USP31: variants seen among roughly 807,000 people sequenced by gnomAD.
USP31 encodes ubiquitin carboxyl-terminal hydrolase 31.
USP31 carries 44 observed loss-of-function variants against 119.4 expected under a neutral mutation model. The observed-to-expected ratio is 0.37, with a 90% CI of 0.29 to 0.47. USP31 has a LOEUF of 0.47. Among genes scored for constraint, USP31 ranks in the 20% least tolerant of loss-of-function variants. The pLI is 0.99. For synonymous variants in USP31, 749 were observed against 705.6 expected, an observed-to-expected ratio of 1.06 and a Z score of -0.97; for missense variants, 1,643 against 1,730.2, an observed-to-expected ratio of 0.95 and a Z score of 0.89.
intron 1 of USP31, among the ~76,000 whole-genome samples, chr16:23,128,171 T>C (rs535450762): frequency 2.0e-5 from 3 of 152,312 alleles, no homozygotes; most frequent in Middle Eastern, 3.4e-3. Context: ...TTAGAAACCA[T>C]GTGCATCCCT....
At chr16:23,101,004 T>C (rs1567235705) in intron 6 of USP31, among the ~76,000 whole-genome samples, 1 of 152,104 alleles carries the variant, frequency 6.6e-6, no homozygotes, top group South Asian at 2.1e-4. Context: ...GACCAAATCA[T>C]GGCAGGGGAG....
At position 23,063,738 on chromosome 16, in the gene USP31, T is replaced by TC. The variant is rs1431700459; in HGVS notation, c.*4307_*4308insG. On this transcript the variant is annotated 3_prime_UTR_variant, in exon 16 of 16. Coordinates refer to ENST00000219689, the MANE Select transcript of USP31 (RefSeq NM_020718.4). ...ATAGAGCTCCATAATTGTTGCCTTTTTTTTTTAAGACTTAACATTTCATGT... is the reference window on the plus strand; with the variant it reads ...ATAGAGCTCCATAATTGTTGCCTTTTCTTTTTTAAGACTTAACATTTCATGT... 4 of 152,020 alleles carry TC rather than the reference T, an allele frequency of 2.6e-5. No individual in the cohort carries two copies. The highest frequency in any genetic ancestry group is 4.4e-5 in the Non-Finnish European group (3 of 67,954). 9.4% of individuals were successfully genotyped at this position (152,020 alleles called of 1,614,324 possible).
intron 13 of USP31, among the ~76,000 whole-genome samples, chr16:23,074,255 C>T (rs1900469681): frequency 6.6e-6 from 1 of 152,002 alleles, no homozygotes; most frequent in South Asian, 2.1e-4. Flanking sequence ...TGGGTAGAGG[C>T]CACGGATGCT....
intron 1 of USP31, among the ~76,000 whole-genome samples, chr16:23,126,625 T>TC (rs1345375226): frequency 7.3e-6 from 1 of 137,226 alleles, no homozygotes; most frequent in Non-Finnish European, 1.6e-5. Flanking sequence ...AGACTCTGTC[T>TC]CAAAAAAAAA....
chr16:23,075,876 T>A (rs911420797), intron 13 of USP31, among the ~76,000 whole-genome samples: 2 of 152,166 alleles, frequency 1.3e-5, no homozygotes, highest in Non-Finnish European at 2.9e-5. Context: ...GCTTGAGATA[T>A]GGAGTTCGAG....
At position 23,090,783 on chromosome 16, in the gene USP31, A is replaced by C. The variant is rs1340575406; in HGVS notation, c.1256T>G (p.Leu419Arg). Residue 419 changes from leucine (L) to arginine (R), a missense_variant, in exon 7 of 16, where the codon CTA becomes CGA. Coordinates refer to ENST00000219689, the MANE Select transcript of USP31 (RefSeq NM_020718.4). Reference sequence around the variant, plus strand: ...ATCCAAGCCAAATTTCAAGTGGTTTAGGTTGTTGTTTAAATGAATTCCTGA... The same window carrying C: ...ATCCAAGCCAAATTTCAAGTGGTTTCGGTTGTTGTTTAAATGAATTCCTGA... Reference protein sequence around the residue: ...SQRGIHLNNNLNHLKFGLDYH... With the variant: ...SQRGIHLNNNRNHLKFGLDYH... 14 of 1,586,986 alleles carry C rather than the reference A, an allele frequency of 8.8e-6. 1 individual carries two copies. The East Asian group carries it at 2.7e-4, about 31-fold the overall frequency.
chr16:23,113,701 G>A (rs1406402637), intron 1 of USP31, among the ~76,000 whole-genome samples: 1 of 152,226 alleles, frequency 6.6e-6, no homozygotes, highest in African/African-American at 2.4e-5. Flanking sequence ...AAGGAGCTCA[G>A]TTATAACAGA....
intron 1 of USP31, chr16:23,115,885 A>G: frequency 7.9e-6 from 6 of 761,604 alleles, no homozygotes; most frequent in Non-Finnish European, 9.6e-6. Flanking sequence ...CCATAAAATT[A>G]GACATGAGGG....
rs974150570 is a variant in USP31 at position 23,068,469 on chromosome 16, C to T, written c.3636G>A (p.Lys1212=). The change falls in exon 16 of 16, where the codon AAG becomes AAA. Residue 1212 remains lysine (K), a synonymous_variant. Transcript: ENST00000219689. ...ASLRSPSTSI[K]SGLKRDSKSE... ...ACTTGCTGTCCCTCTTCAAACCAGA[C>T]TTGATGCTTGTGCTGGGGGAGCGCA... 6.2e-7 allele frequency: 1 copy of T among 1,613,486 alleles called. No individual in the cohort carries two copies. The highest frequency in any genetic ancestry group is 8.5e-7 in the Non-Finnish European group (1 of 1,179,686).
At position 23,069,346 on chromosome 16, in the gene USP31, C is replaced by T; in HGVS notation, c.2759G>A (p.Ser920Asn). Reference protein sequence around the residue: ...SCFGSLRNLSSSYQEPSDSHS... With the variant: ...SCFGSLRNLSNSYQEPSDSHS... ...ACTGTCGCTTGGTTCCTGGTAACTG[C>T]TAGAAAGGTTCCGCAAGCTACCAAA... is the stretch of plus-strand genomic sequence containing the variant. Residue 920 changes from serine to asparagine, a missense_variant, in exon 16 of 16, where the codon AGC (serine) becomes AAC (asparagine). By Grantham distance (46) the Ser-to-Asn change is conservative. Transcript: ENST00000219689. 1 of 1,603,808 alleles carries T rather than the reference C, an allele frequency of 6.2e-7. No homozygotes were observed. Among genetic ancestry groups the T allele is most frequent in the Non-Finnish European group, 8.5e-7 (1 of 1,173,714 alleles).
At chr16:23,072,316 G>C in intron 14 of USP31, 119 bp from the exon 15 acceptor site, 1 of 1,372,468 alleles carries the variant, frequency 7.3e-7, no homozygotes, top group African/African-American at 1.4e-5. Context: ...TCCTCACCCC[G>C]AGGTCAGCAT....
chr16:23,097,828 T>C (rs1445549051), intron 6 of USP31, among the ~76,000 whole-genome samples: 1 of 152,168 alleles, frequency 6.6e-6, no homozygotes, highest in African/African-American at 2.4e-5. Flanking sequence ...TGTATCAAAA[T>C]AATAAGAGCT....
Position 23,065,264 on chromosome 16 carries a change from A to G in USP31, c.*2782T>C, listed in dbSNP as rs558479398. ...AACCCAGGCCTATCATCCCTAGCAG[A>G]TAATTTTTAACCCCAAAGCACATAC... On this transcript the variant is annotated 3_prime_UTR_variant, in exon 16 of 16. Transcript: ENST00000219689. 9.2e-5 allele frequency: 14 copies of G among 151,988 alleles called. No individual in the cohort carries two copies. The East Asian group carries it at 1.9e-3, about 21-fold the overall frequency. The allele number at this position is 151,988 out of a possible 1,614,324, so 9.4% of individuals were successfully genotyped here.
At position 23,061,567 on chromosome 16, in the gene USP31, A is replaced by C. The variant is rs1396309887; in HGVS notation, c.*6479T>G. The stretch of plus-strand genomic sequence containing the variant: ...TCTTAAAAGTGCATACACTTTGAAT[A>C]ATAAAACATACAAATAAATAACAGA... On this transcript the variant is annotated 3_prime_UTR_variant, in exon 16 of 16. Coordinates refer to ENST00000219689, the MANE Select transcript of USP31 (RefSeq NM_020718.4). The C allele has an allele frequency of 6.5e-6, 1 of 152,674 alleles. No homozygotes were observed. The highest frequency in any genetic ancestry group is 2.4e-5 in the African/African-American group (1 of 41,462). 9.5% of individuals were successfully genotyped at this position (152,674 alleles called of 1,614,324 possible). A position where few individuals can be genotyped will look rare whatever the true frequency, so the allele number is the denominator to read the frequency against.
At chr16:23,078,667 C>T (rs1202177269) in intron 13 of USP31, among the ~76,000 whole-genome samples, 1 of 152,168 alleles carries the variant, frequency 6.6e-6, no homozygotes, top group South Asian at 2.1e-4. Context: ...ATTACACTCT[C>T]AGAAGACAGA....
At chr16:23,135,421 A>G (rs1029813743) in intron 1 of USP31, among the ~76,000 whole-genome samples, 4 of 152,208 alleles carry the variant, frequency 2.6e-5, no homozygotes, top group African/African-American at 4.8e-5. Context: ...CACAAATGAC[A>G]TGATCTTGTA....
chr16:23,085,600 T>C lies in USP31; in HGVS notation c.1685A>G (p.Lys562Arg), dbSNP rs1567230288. ...AHVKLVVEWD[K>R]ETRDFLFVNT... ...AAATACTCACAAATCTCTTGTCTCC[T>C]TGTCCCACTCGACTACTAATTTCAC... Residue 562 changes from lysine (K) to arginine (R), a missense_variant, in exon 10 of 16, where the codon AAG (lysine) becomes AGG (arginine). Coordinates refer to ENST00000219689, the MANE Select transcript of USP31 (RefSeq NM_020718.4). The C allele has an allele frequency of 6.2e-7, 1 of 1,613,966 alleles. No individual in the cohort carries two copies. Among genetic ancestry groups the C allele is most frequent in the Middle Eastern group, 1.7e-4 (1 of 6,058 alleles).
chr16:23,130,450 T>C (rs927878920), intron 1 of USP31, among the ~76,000 whole-genome samples: 14 of 151,692 alleles, frequency 9.2e-5, no homozygotes, highest in African/African-American at 3.2e-4. Context: ...AATAAAATTT[T>C]AAAAAAGAAA....
At chr16:23,096,206 A>G (rs192324822) in intron 6 of USP31, among the ~76,000 whole-genome samples, 1 of 152,338 alleles carries the variant, frequency 6.6e-6, no homozygotes, top group African/African-American at 2.4e-5. Flanking sequence ...AGTCTCTCAT[A>G]AAACAGAATT....
Sources: allele counts gnomAD v4.1 joint callset (sites outside exome capture counted in the v4.1 genomes callset), GRCh38; gene constraint gnomAD v4.1.1; transcripts MANE v1.5; gene names NCBI Gene and HGNC (gene_info 2026-07-23, HGNC 2026-07-21).